FKBP9: variants seen among roughly 807,000 people sequenced by gnomAD.
The protein encoded by FKBP9 is FKBP prolyl isomerase 9, also known as peptidyl-prolyl cis-trans isomerase FKBP9.
In FKBP9, 27 loss-of-function variants were observed where a neutral mutation model predicts 55.6. The observed-to-expected ratio is 0.49, with a 90% CI of 0.36 to 0.67. The LOEUF is 0.67. Ranked by LOEUF, FKBP9 falls within the 30% of genes least tolerant of loss-of-function variation. The pLI, the probability that FKBP9 is intolerant of heterozygous loss-of-function variation, is 0.00. For missense variants in FKBP9, 539 were observed against 742.8 expected, an observed-to-expected ratio of 0.73 and a Z score of 3.19; for synonymous variants, 267 against 296.5, an observed-to-expected ratio of 0.90 and a Z score of 1.02.
chr7:32,998,116 C>T (rs1376866597), intron 7 of FKBP9, among the ~76,000 whole-genome samples: 1 of 152,200 alleles, frequency 6.6e-6, no homozygotes, highest in Non-Finnish European at 1.5e-5. Context: ...ACCTGGCTTA[C>T]AACAGACCTT....
At chr7:32,991,503 T>A (rs1253565486) in intron 6 of FKBP9, among the ~76,000 whole-genome samples, 2 of 152,346 alleles carry the variant, frequency 1.3e-5, no homozygotes, top group African/African-American at 4.8e-5. Context: ...AACTGTCTTC[T>A]TAGTGGCTTC....
intron 1 of FKBP9, among the ~76,000 whole-genome samples, chr7:32,973,403 A>G (rs1020000093): frequency 1.3e-5 from 2 of 152,234 alleles, no homozygotes; most frequent in East Asian, 1.9e-4. Context: ...CAATATTGGC[A>G]TAACACTTAG....
chr7:32,976,738 G>C (rs538613807), intron 4 of FKBP9, among the ~76,000 whole-genome samples: 1 of 152,280 alleles, frequency 6.6e-6, no homozygotes, highest in African/African-American at 2.4e-5. Flanking sequence ...CCACCATAGT[G>C]GACAGTGCAG....
intron 6 of FKBP9, among the ~76,000 whole-genome samples, chr7:32,995,756 G>A (rs548900825): frequency 5.2e-4 from 79 of 152,036 alleles, no homozygotes; most frequent in Non-Finnish European, 1.0e-3. Context: ...TTCACTCTAC[G>A]GCTGATTTTC....
At chr7:33,004,921 C>T (rs1207243627) in intron 9 of FKBP9, among the ~76,000 whole-genome samples, 3 of 151,838 alleles carry the variant, frequency 2.0e-5, no homozygotes, top group Non-Finnish European at 2.9e-5. Context: ...ATAGCTCTGA[C>T]GGCTGCTGGG....
intron 1 of FKBP9, among the ~76,000 whole-genome samples, chr7:32,958,544 C>T (rs939604799): frequency 1.3e-5 from 2 of 152,214 alleles, no homozygotes; most frequent in African/African-American, 4.8e-5. Flanking sequence ...GCCTGTAGTC[C>T]CAGCACTTTG....
chr7:32,982,412 C>G (rs1784497195), intron 5 of FKBP9, among the ~76,000 whole-genome samples: 1 of 152,130 alleles, frequency 6.6e-6, no homozygotes, highest in Admixed American at 6.6e-5. Flanking sequence ...TATAGTATTA[C>G]TAGGGAACAA....
chr7:32,971,923 T>G (rs3109433), intron 1 of FKBP9, among the ~76,000 whole-genome samples: 1 of 152,032 alleles, frequency 6.6e-6, no homozygotes, highest in Non-Finnish European at 1.5e-5. Context: ...CTGTGCCCAA[T>G]AAATAATAGA....
chr7:32,970,832 A>G lies in FKBP9; in HGVS notation c.222-3785A>G, dbSNP rs541430082. On this transcript the variant is annotated intron_variant, in intron 1 of 9. Transcript: ENST00000242209. ...ATAAAGTTATTTTGTCAGTTAAAAG[A>G]GATATTTTTACTTCTTCCTTTCCAA... Among the ~76,000 whole-genome samples the G allele has an allele frequency of 2.6e-5, 4 of 152,048 alleles. No individual in the cohort carries two copies. In the East Asian group the frequency reaches 7.7e-4, roughly 29 times the overall value.
rs755481099 is a variant in FKBP9, at chr7:32,963,663, A to T, written c.221+5869A>T. ...AAAGGAGTGGGAATTTATTGGAAGG[A>T]TCTCCAATTCCTTGTGAGGGTCCAG... On this transcript the variant is annotated intron_variant, in intron 1 of 9. Coordinates refer to ENST00000242209, the MANE Select transcript of FKBP9 (RefSeq NM_007270.5). 18 of 1,460,470 alleles carry T rather than the reference A, an allele frequency of 1.2e-5. No homozygotes were observed. In the South Asian group the frequency reaches 2.5e-4, roughly 20 times the overall value. The allele number at this position is 1,460,470 out of a possible 1,614,324, so 90.5% of individuals were successfully genotyped here.
At position 32,997,401 on chromosome 7, in the gene FKBP9, TG is replaced by T. The variant is rs547053055; in HGVS notation, c.1226+1060del. On this transcript the variant is annotated intron_variant, in intron 7 of 9. Transcript: ENST00000242209. ...CTAATTTTTAAAATTTTTTTAGAGATGGGGGGGGTCTCACTATGTTGCCCAG... is the reference window on the plus strand; with the variant it reads ...CTAATTTTTAAAATTTTTTTAGAGATGGGGGGGTCTCACTATGTTGCCCAG... 4.2e-3 allele frequency among the ~76,000 whole-genome samples: 594 copies of T among 142,572 alleles called. 4 individuals carry two copies. The highest frequency in any genetic ancestry group is 0.013 in the African/African-American group (493 of 37,142). 93.5% of individuals were successfully genotyped at this position (142,572 alleles called of 152,430 possible).
At chr7:32,970,115 T>C (rs1784224309) in intron 1 of FKBP9, among the ~76,000 whole-genome samples, 1 of 152,144 alleles carries the variant, frequency 6.6e-6, no homozygotes, top group Non-Finnish European at 1.5e-5. Context: ...TTGCTTTGGT[T>C]AGTGTGGACA....
chr7:32,988,702 A>G (rs773623765), intron 6 of FKBP9, 50 bp downstream of exon 6: 2 of 1,588,730 alleles, frequency 1.3e-6, no homozygotes, highest in Non-Finnish European at 1.7e-6. Context: ...CTGCTTCCAC[A>G]TTGCTTGAAA....
intron 8 of FKBP9, among the ~76,000 whole-genome samples, chr7:33,000,489 G>A (rs895108957): frequency 2.0e-5 from 3 of 152,028 alleles, no homozygotes; most frequent in Non-Finnish European, 4.4e-5. Context: ...ACCAGTTTGA[G>A]TGAAATAAAT....
At chr7:32,985,193 T>G (rs1050533179) in intron 5 of FKBP9, among the ~76,000 whole-genome samples, 2 of 149,958 alleles carry the variant, frequency 1.3e-5, no homozygotes, top group African/African-American at 4.9e-5. Flanking sequence ...TTTTTTTTTT[T>G]GAGACGGAGC....
intron 6 of FKBP9, among the ~76,000 whole-genome samples, chr7:32,993,706 T>C (rs1203004157): frequency 6.6e-6 from 1 of 151,904 alleles, no homozygotes; most frequent in African/African-American, 2.4e-5. Context: ...GCGTCTGTAA[T>C]CTCAGCTGAG....
At chr7:32,983,389 A>G (rs1343804497) in intron 5 of FKBP9, among the ~76,000 whole-genome samples, 1 of 150,490 alleles carries the variant, frequency 6.6e-6, no homozygotes, top group African/African-American at 2.5e-5. Flanking sequence ...ACCTCGGCTC[A>G]CTGCAACCTC....
chr7:32,979,714 A>G (rs1784436055), intron 4 of FKBP9: 2 of 741,546 alleles, frequency 2.7e-6, no homozygotes, highest in Admixed American at 4.2e-5. Context: ...TGTGGATTTC[A>G]TTTTGCAGAT....
intron 6 of FKBP9, chr7:32,995,062 C>G (rs1286998982): frequency 6.6e-6 from 1 of 152,120 alleles, no homozygotes; most frequent in East Asian, 1.9e-4. Flanking sequence ...CCTTGACCTC[C>G]TGGCCTCAAG....
Sources: gnomAD v4.1 joint callset for allele counts (sites outside exome capture counted in the v4.1 genomes callset) on GRCh38, gnomAD v4.1.1 for gene constraint, MANE v1.5 for transcripts, NCBI Gene and HGNC (gene_info 2026-07-23, HGNC 2026-07-21) for gene names.